Variants in SESTD1 observed in about 807,000 individuals in gnomAD.
SESTD1 encodes the protein SEC14 and spectrin domain containing 1, also known as SEC14 domain and spectrin repeat-containing protein 1.
In SESTD1, 43 loss-of-function variants were observed where a neutral mutation model predicts 101.7. The ratio of observed to expected loss-of-function variants is 0.42; its 90% CI spans 0.33 to 0.55. The LOEUF (loss-of-function observed/expected upper bound fraction) is 0.55, where lower values mean the gene tolerates loss of function less well. SESTD1 is among the 20% of genes least tolerant of loss of function. The pLI is 0.07. For missense variants in SESTD1, 647 were observed against 815.1 expected (o/e 0.79, Z 2.51); for synonymous variants, 283 against 286.8 (o/e 0.99, Z 0.13).
At chr2:179,236,492 G>A (rs1408466005) in intron 1 of SESTD1, among the ~76,000 whole-genome samples, 1 of 151,984 alleles carries the variant, frequency 6.6e-6, no homozygotes, top group Admixed American at 6.6e-5. Context: ...GAGAGATCCT[G>A]TATCTAAAAA....
At chr2:179,135,197 C>T (rs1375604903) in intron 9 of SESTD1, among the ~76,000 whole-genome samples, 1 of 152,118 alleles carries the variant, frequency 6.6e-6, no homozygotes, top group African/African-American at 2.4e-5. Flanking sequence ...CCTGCCTCGG[C>T]CTCCCAAAGT....
In SESTD1 at chr2:179,216,423, C is replaced by T. The variant is rs181715788; in HGVS notation, c.-25-24557G>A. Among the ~76,000 whole-genome samples the T allele has an allele frequency of 3.7e-5, 5 of 133,648 alleles. 1 individual carries two copies. The highest frequency in any genetic ancestry group is 2.8e-4 in the South Asian group (1 of 3,518). 87.7% of individuals were successfully genotyped at this position (133,648 alleles called of 152,430 possible). ...AAATACCTAGGAATCCAACTTACAA[C>T]GGATGTGAAGGACCTCTTCAAGGAG... On this transcript the variant is annotated intron_variant, in intron 1 of 17. Transcript: ENST00000428443.
intron 16 of SESTD1, among the ~76,000 whole-genome samples, chr2:179,113,622 T>C (rs1036484828): frequency 6.6e-6 from 1 of 152,212 alleles, no homozygotes; most frequent in Non-Finnish European, 1.5e-5. Flanking sequence ...CATTTTTGTA[T>C]TTTAAAACTC....
chr2:179,206,937 C>T lies in SESTD1; in HGVS notation c.-25-15071G>A, dbSNP rs1337409469. ...GTGAGGCCTGTCACTGCTGGCTTTTCCACTTCCCTGGTGATCTATATGATG... is the reference window on the plus strand; with the variant it reads ...GTGAGGCCTGTCACTGCTGGCTTTTTCACTTCCCTGGTGATCTATATGATG... On this transcript the variant is annotated intron_variant, in intron 1 of 17. Coordinates refer to ENST00000428443, the MANE Select transcript of SESTD1 (RefSeq NM_178123.5). Among the ~76,000 whole-genome samples, 7 of 133,500 alleles carry T rather than the reference C, an allele frequency of 5.2e-5. 2 individuals carry two copies. Among genetic ancestry groups the T allele is most frequent in the Admixed American group, 2.9e-4 (4 of 13,712 alleles). The allele number at this position is 133,500 out of a possible 152,430, so 87.6% of individuals were successfully genotyped here. A position where few individuals can be genotyped will look rare whatever the true frequency, so the allele number is the denominator to read the frequency against.
intron 5 of SESTD1, among the ~76,000 whole-genome samples, chr2:179,154,522 G>A (rs916009353): frequency 8.6e-5 from 13 of 151,900 alleles, no homozygotes; most frequent in Admixed American, 3.9e-4. Flanking sequence ...GGCTGCTAAC[G>A]TCACAAAAAA....
At chr2:179,256,206 A>T (rs769264120) in intron 1 of SESTD1, among the ~76,000 whole-genome samples, 1 of 152,202 alleles carries the variant, frequency 6.6e-6, no homozygotes, top group Non-Finnish European at 1.5e-5. Flanking sequence ...TTAGAAATAC[A>T]TTTCAAAGGC....
intron 17 of SESTD1, among the ~76,000 whole-genome samples, chr2:179,111,001 G>A (rs1262931552): frequency 6.6e-6 from 1 of 152,202 alleles, no homozygotes; most frequent in Non-Finnish European, 1.5e-5. Context: ...ACACAGACGA[G>A]AAGCTGAAGC....
intron 1 of SESTD1, among the ~76,000 whole-genome samples, chr2:179,230,442 G>A (rs1331895954): frequency 6.6e-6 from 1 of 151,838 alleles, no homozygotes; most frequent in African/African-American, 2.4e-5. Context: ...GGCCTGAATT[G>A]TATCTCTTTA....
rs1340859867 is a variant in SESTD1, at chr2:179,206,951, A to C, written c.-25-15085T>G. ...TGCTGGCTTTTCCACTTCCCTGGTG[A>C]TCTATATGATGCAGCAGAGGCAGCC... is the stretch of plus-strand genomic sequence containing the variant. On this transcript the variant is annotated intron_variant, in intron 1 of 17. Transcript: ENST00000428443. Among the ~76,000 whole-genome samples the C allele has an allele frequency of 3.0e-5, 4 of 132,886 alleles. 1 individual carries two copies. The highest frequency in any genetic ancestry group is 6.4e-5 in the Non-Finnish European group (4 of 62,202). The allele number at this position is 132,886 out of a possible 152,430, so 87.2% of individuals were successfully genotyped here. A position where few individuals can be genotyped will look rare whatever the true frequency, so the allele number is the denominator to read the frequency against.
At chr2:179,116,602 T>C (rs1559096870) in intron 15 of SESTD1, 66 bp downstream of exon 15, 1 of 1,611,832 alleles carries the variant, frequency 6.2e-7, no homozygotes, top group Non-Finnish European at 8.5e-7. Flanking sequence ...TAAAGTTACA[T>C]TATAATCATG....
At chr2:179,138,939 A>G (rs1219227644) in intron 9 of SESTD1, among the ~76,000 whole-genome samples, 1 of 151,776 alleles carries the variant, frequency 6.6e-6, no homozygotes, top group Non-Finnish European at 1.5e-5. Flanking sequence ...TTGCCTGTCC[A>G]ATATCAGAGG....
chr2:179,156,657 C>T (rs1200233394), intron 5 of SESTD1, among the ~76,000 whole-genome samples: 4 of 152,078 alleles, frequency 2.6e-5, no homozygotes, highest in African/African-American at 7.2e-5. Flanking sequence ...CCTTAGCCTA[C>T]TTTTTGATGG....
intron 1 of SESTD1, among the ~76,000 whole-genome samples, chr2:179,218,887 C>A (rs2105524491): frequency 6.6e-6 from 1 of 152,298 alleles, no homozygotes; most frequent in Middle Eastern, 3.4e-3. Flanking sequence ...AGGCAGTGGA[C>A]ATTTCTGGCA....
chr2:179,198,955 C>T (rs892567280), intron 1 of SESTD1, among the ~76,000 whole-genome samples: 8 of 151,976 alleles, frequency 5.3e-5, no homozygotes, highest in African/African-American at 1.9e-4. Context: ...TAACTAAAAT[C>T]GGAGTTAAAC....
intron 3 of SESTD1, among the ~76,000 whole-genome samples, chr2:179,182,545 AGTC>A (rs2046133393): frequency 2.6e-5 from 4 of 152,120 alleles, no homozygotes; most frequent in African/African-American, 9.7e-5. Context: ...TTTTTGTTGA[AGTC>A]ATGGGTAGAC....
chr2:179,248,083 C>T (rs769981373), intron 1 of SESTD1, among the ~76,000 whole-genome samples: 4 of 151,576 alleles, frequency 2.6e-5, no homozygotes, highest in South Asian at 2.1e-4. Flanking sequence ...AAAACAGAGA[C>T]GACACAGATT....
In SESTD1 at chr2:179,102,793, TAA is replaced by T. The variant is rs1286860998; in HGVS notation, c.*7104_*7105del. The T allele has an allele frequency of 2.0e-5, 3 of 152,012 alleles. No individual in the cohort carries two copies. Among genetic ancestry groups the T allele is most frequent in the Admixed American group, 6.6e-5 (1 of 15,248 alleles). 9.4% of individuals were successfully genotyped at this position (152,012 alleles called of 1,614,324 possible). A position where few individuals can be genotyped will look rare whatever the true frequency, so the allele number is the denominator to read the frequency against. On this transcript the variant is annotated 3_prime_UTR_variant, in exon 18 of 18. Transcript: ENST00000428443. ...AAAACTACAGCTGGGTGGTATTGAA[TAA>T]AGAGACAATATTGAAAATATTTTTA... is the stretch of plus-strand genomic sequence containing the variant.
chr2:179,122,247 T>C (rs537502333), intron 12 of SESTD1, among the ~76,000 whole-genome samples: 2 of 151,878 alleles, frequency 1.3e-5, no homozygotes, highest in Non-Finnish European at 2.9e-5. Flanking sequence ...CTATTTCTAA[T>C]AGAAAACAAT....
chr2:179,194,766 A>G (rs2046365970), intron 1 of SESTD1, among the ~76,000 whole-genome samples: 1 of 152,198 alleles, frequency 6.6e-6, no homozygotes, highest in Non-Finnish European at 1.5e-5. Context: ...GAAATAAGAC[A>G]GGGGTCAAAT....
Sources: allele counts gnomAD v4.1 joint callset (sites outside exome capture counted in the v4.1 genomes callset), GRCh38; gene constraint gnomAD v4.1.1; transcripts MANE v1.5; gene names NCBI Gene and HGNC (gene_info 2026-07-23, HGNC 2026-07-21).